Variants in RTN1 observed in about 807,000 individuals in gnomAD.
RTN1 encodes the protein reticulon-1.
A neutral mutation model predicts 65.5 loss-of-function variants in RTN1; 25 were observed. The ratio of observed to expected loss-of-function variants is 0.38; its 90% confidence interval spans 0.28 to 0.53. The LOEUF is 0.53. Ranked by LOEUF, RTN1 falls within the 20% of genes least tolerant of loss-of-function variation. The probability of loss-of-function intolerance (pLI) is 0.79; values close to 1 mark genes in which losing one functional copy is unlikely to be tolerated. For synonymous variants in RTN1, 471 were observed against 447.6 expected, an observed-to-expected ratio of 1.05 and a Z score of -0.66; for missense variants, 983 against 1,025.4, an observed-to-expected ratio of 0.96 and a Z score of 0.57.
chr14:59,772,940 G>A (rs1202643470), intron 1 of RTN1, among the ~76,000 whole-genome samples: 3 of 152,110 alleles, frequency 2.0e-5, no homozygotes, highest in African/African-American at 7.2e-5. Context: ...GGCCCAGCCT[G>A]ATAATAGCAT....
intron 1 of RTN1, among the ~76,000 whole-genome samples, chr14:59,797,472 C>G (rs904128901): frequency 6.6e-6 from 1 of 152,110 alleles, no homozygotes; most frequent in Admixed American, 6.5e-5. Flanking sequence ...ATATAGAAAG[C>G]TTTCTCTTTA....
intron 1 of RTN1, among the ~76,000 whole-genome samples, chr14:59,818,172 G>A (rs1886856323): frequency 6.6e-6 from 1 of 152,202 alleles, no homozygotes; most frequent in Non-Finnish European, 1.5e-5. Context: ...GCCTCCAGCT[G>A]CATCCATGTT....
At chr14:59,755,647 T>A (rs2139536057) in intron 1 of RTN1, among the ~76,000 whole-genome samples, 1 of 152,292 alleles carries the variant, frequency 6.6e-6, no homozygotes, top group East Asian at 1.9e-4. Context: ...GAGTCCTCCA[T>A]GAGGGATGAA....
chr14:59,630,833 G>T (rs1399025827), intron 3 of RTN1: 60 of 1,008,556 alleles, frequency 5.9e-5, no homozygotes, highest in African/African-American at 1.2e-4. Context: ...AGGCGCTGAC[G>T]CGGACAGTGG....
chr14:59,808,160 G>C (rs939992849), intron 1 of RTN1, among the ~76,000 whole-genome samples: 1 of 152,066 alleles, frequency 6.6e-6, no homozygotes, highest in Non-Finnish European at 1.5e-5. Context: ...ACTTAACTCA[G>C]ACCAGATAAT....
chr14:59,734,848 T>A (rs1202899551), intron 2 of RTN1, among the ~76,000 whole-genome samples: 1 of 152,074 alleles, frequency 6.6e-6, no homozygotes, highest in Non-Finnish European at 1.5e-5. Flanking sequence ...CCCAACCTAG[T>A]AAGACAGGCC....
chr14:59,721,631 TG>T (rs550490745), intron 3 of RTN1, among the ~76,000 whole-genome samples: 99 of 152,350 alleles, frequency 6.5e-4, no homozygotes, highest in Non-Finnish European at 1.1e-3. Flanking sequence ...CTTAAGTCCT[TG>T]CTAGCTTAAA....
chr14:59,870,497 C>A lies in RTN1; in HGVS notation c.134G>T (p.Gly45Val). Residue 45 changes from glycine to valine, a missense_variant, in exon 1 of 9, where the codon GGG becomes GTG. Gly to Val is a moderately radical substitution (Grantham distance 109). Transcript: ENST00000267484. The surrounding 1 kb of genome is among the most constrained non-coding windows in gnomAD (Gnocchi z 5.1). ...GGCGCCCAACCCCGGGCTGGGCTCC[C>A]CAGCCTGCGGCGCCGGCGTGGCCCC... is the stretch of plus-strand genomic sequence containing the variant. The part of the protein sequence containing the change: ...PKGATPAPQA[G>V]EPSPGLGARA... 6.9e-7 allele frequency: 1 copy of A among 1,457,868 alleles called. No homozygotes were observed. The highest frequency in any genetic ancestry group is 9.0e-7 in the Non-Finnish European group (1 of 1,111,538). 90.3% of individuals were successfully genotyped at this position (1,457,868 alleles called of 1,614,324 possible).
At chr14:59,805,088 G>A (rs968160723) in intron 1 of RTN1, among the ~76,000 whole-genome samples, 6 of 152,164 alleles carry the variant, frequency 3.9e-5, no homozygotes, top group Non-Finnish European at 7.3e-5. Flanking sequence ...CAGCTACCTG[G>A]AATGCTCTTC....
At chr14:59,653,334 A>C (rs970970414) in intron 3 of RTN1, among the ~76,000 whole-genome samples, 2 of 152,208 alleles carry the variant, frequency 1.3e-5, no homozygotes, top group Non-Finnish European at 2.9e-5. Flanking sequence ...TGAAGGTGAA[A>C]TAAAGACATC....
Position 59,605,469 on chromosome 14 carries a change from G to T in RTN1, c.2011C>A (p.Gln671Lys). The T allele has an allele frequency of 6.2e-7, 1 of 1,614,114 alleles. No homozygotes were observed. Among genetic ancestry groups the T allele is most frequent in the South Asian group, 1.1e-5 (1 of 91,060 alleles). The change falls in exon 5 of 9, where the codon CAG becomes AAG. Residue 671 changes from glutamine (Q) to lysine (K), a missense_variant. By Grantham distance (53) the Gln-to-Lys change is moderately conservative (BLOSUM62 1). Coordinates refer to ENST00000267484, the MANE Select transcript of RTN1 (RefSeq NM_021136.3). The stretch of plus-strand genomic sequence containing the variant: ...AGGCAGTCCGTGTACTTCTGAATCT[G>T]CTCCTGAGAAAGGGTGATCTCAAGC... ...LELEITLSQE[Q>K]IQKYTDCLQF...
chr14:59,684,877 C>CTCTCATGTACAGTACA (rs1453872599), intron 3 of RTN1, among the ~76,000 whole-genome samples: 52 of 152,214 alleles, frequency 3.4e-4, no homozygotes, highest in Admixed American at 2.0e-3. Flanking sequence ...TACAGTGCTG[C>CTCTCATGTACAGTACA]TGATGAGAAA....
In RTN1 at chr14:59,792,359, T is replaced by TCACACACA. The variant is rs34220909; in HGVS notation, c.242-45886_242-45879dup. Reference sequence around the variant, plus strand: ...AGTCTGAGAGAAAAGAGAAAAGACTTCACACACACACACACACACACACAC... The same window carrying TCACACACA: ...AGTCTGAGAGAAAAGAGAAAAGACTTCACACACACACACACACACACACACACACACAC... On this transcript the variant is annotated intron_variant, in intron 1 of 8. Transcript: ENST00000267484. Among the ~76,000 whole-genome samples, 712 of 144,882 alleles carry TCACACACA rather than the reference T, an allele frequency of 4.9e-3. 5 individuals carry two copies. The highest frequency in any genetic ancestry group is 0.013 in the African/African-American group (513 of 39,374).
At chr14:59,719,809 A>G (rs1050501426) in intron 3 of RTN1, among the ~76,000 whole-genome samples, 5 of 152,198 alleles carry the variant, frequency 3.3e-5, no homozygotes, top group Non-Finnish European at 7.3e-5. Flanking sequence ...AAGTATCTGA[A>G]TTATGTCTTC....
At chr14:59,641,848 A>G (rs1882788031) in intron 3 of RTN1, among the ~76,000 whole-genome samples, 1 of 152,234 alleles carries the variant, frequency 6.6e-6, no homozygotes, top group South Asian at 2.1e-4. Context: ...CATTGGTGCT[A>G]TAAACACCAA....
intron 3 of RTN1, among the ~76,000 whole-genome samples, chr14:59,643,301 TG>T (rs1450459096): frequency 6.6e-6 from 1 of 152,182 alleles, no homozygotes; most frequent in African/African-American, 2.4e-5. Context: ...CCTAGCTATT[TG>T]GGAGGCTGAG....
chr14:59,620,224 C>T (rs1014386653), intron 3 of RTN1, among the ~76,000 whole-genome samples: 3 of 151,880 alleles, frequency 2.0e-5, no homozygotes, highest in African/African-American at 4.8e-5. Flanking sequence ...TGAGGTGGAA[C>T]GGAAATAACC....
intron 3 of RTN1, among the ~76,000 whole-genome samples, chr14:59,719,801 G>T (rs1293737075): frequency 2.6e-5 from 4 of 152,176 alleles, no homozygotes; most frequent in African/African-American, 9.7e-5. Flanking sequence ...AGAATTAGAA[G>T]TATCTGAATT....
chr14:59,628,065 TGA>T (rs1882447909), intron 3 of RTN1, among the ~76,000 whole-genome samples: 1 of 151,968 alleles, frequency 6.6e-6, no homozygotes, highest in South Asian at 2.1e-4. Context: ...CCGGGCATGG[TGA>T]CTCAAGCCTG....
Sources: allele counts gnomAD v4.1 joint callset (sites outside exome capture counted in the v4.1 genomes callset), GRCh38; gene constraint gnomAD v4.1.1; non-coding constraint Gnocchi (gnomAD v3.1); transcripts MANE v1.5; gene names NCBI Gene and HGNC (gene_info 2026-07-23, HGNC 2026-07-21).